Variants in STON2 observed in about 807,000 individuals in gnomAD.
STON2 encodes stonin-2.
STON2 carries 29 observed loss-of-function variants against 65.7 expected under a neutral mutation model. That is an observed-to-expected ratio of 0.44 (90% CI 0.33 to 0.60). The LOEUF is 0.60. STON2 is among the 20% of genes least tolerant of loss of function. The probability of loss-of-function intolerance (pLI) is 0.03; values close to 1 mark genes in which losing one functional copy is unlikely to be tolerated. For synonymous variants in STON2, 404 were observed against 414.2 expected, an observed-to-expected ratio of 0.98 and a Z score of 0.30; for missense variants, 1,054 against 1,118.1, an observed-to-expected ratio of 0.94 and a Z score of 0.82.
chr14:81,373,801 A>C (rs144904364), intron 3 of STON2, among the ~76,000 whole-genome samples: 1 of 152,230 alleles, frequency 6.6e-6, no homozygotes, highest in African/African-American at 2.4e-5. Context: ...ATAGGAAAGA[A>C]AATTGTCTGC....
At chr14:81,411,133 T>TG (rs1448418142) in intron 2 of STON2, among the ~76,000 whole-genome samples, 2 of 152,222 alleles carry the variant, frequency 1.3e-5, no homozygotes, top group East Asian at 3.8e-4. Context: ...AGGAAAATTT[T>TG]GGGGTATGTT....
upstream of STON2, among the ~76,000 whole-genome samples, chr14:81,404,204 C>A (rs575425738): frequency 6.6e-6 from 1 of 152,178 alleles, no homozygotes; most frequent in Non-Finnish European, 1.5e-5. Flanking sequence ...ATTCCCCTTT[C>A]TCTTTGATCT....
intron 4 of STON2, among the ~76,000 whole-genome samples, chr14:81,336,468 A>G (rs1159969675): frequency 6.6e-6 from 1 of 152,044 alleles, no homozygotes; most frequent in African/African-American, 2.4e-5. Context: ...AGTACCAGAA[A>G]TATCACTAAG....
At chr14:81,423,051 T>A (rs1174135135) in intron 2 of STON2, among the ~76,000 whole-genome samples, 2 of 151,918 alleles carry the variant, frequency 1.3e-5, no homozygotes, top group Admixed American at 1.3e-4. Flanking sequence ...AAAAAAAGAT[T>A]TCTAGATTTC....
At chr14:81,289,882 C>T (rs962553152) in intron 5 of STON2, among the ~76,000 whole-genome samples, 1 of 152,144 alleles carries the variant, frequency 6.6e-6, no homozygotes, top group African/African-American at 2.4e-5. Context: ...AGGGCAAGGG[C>T]TTGATTATCC....
Position 81,425,766 on chromosome 14 carries a change from T to C in STON2, c.-199+1336A>G, listed in dbSNP as rs112240752. ...AATGCTTGAGCATCTGCGATTCTTG[T>C]AGCAATTACCACATATAGAGGCCAG... On this transcript the variant is annotated intron_variant, in intron 2 of 8. Coordinates refer to the STON2 transcript ENST00000553821. 5.9e-5 allele frequency among the ~76,000 whole-genome samples: 9 copies of C among 152,336 alleles called. No homozygotes were observed. The East Asian group carries it at 1.7e-3, about 29-fold the overall frequency.
chr14:81,336,265 A>G (rs1045733468), intron 4 of STON2, among the ~76,000 whole-genome samples: 1 of 152,112 alleles, frequency 6.6e-6, no homozygotes, highest in Non-Finnish European at 1.5e-5. Flanking sequence ...ACCTCATTTC[A>G]TTCCTCAATA....
intron 4 of STON2, among the ~76,000 whole-genome samples, chr14:81,338,254 A>G (rs1325108073): frequency 6.6e-6 from 1 of 152,190 alleles, no homozygotes; most frequent in African/African-American, 2.4e-5. Context: ...CCTCCTCCCC[A>G]ACCTAGGAAG....
In STON2 at chr14:81,263,554, A is replaced by C. The variant is rs867403817; in HGVS notation, c.*4860T>G. ...CTCCGTCTCAAAAAAAAAAAAAAAA[A>C]AAAAAACAAAAAAGAAAATGCTATT... On this transcript the variant is annotated 3_prime_UTR_variant, in exon 8 of 8. Coordinates refer to ENST00000614646, the MANE Select transcript of STON2 (RefSeq NM_001394390.1). The C allele has an allele frequency of 1.6e-3, 307 of 192,066 alleles. 2 individuals carry two copies. Among genetic ancestry groups the C allele is most frequent in the African/African-American group, 6.7e-3 (277 of 41,130 alleles). 11.9% of individuals were successfully genotyped at this position (192,066 alleles called of 1,614,324 possible). A position where few individuals can be genotyped will look rare whatever the true frequency, so the allele number is the denominator to read the frequency against.
intron 5 of STON2, among the ~76,000 whole-genome samples, chr14:81,283,715 G>A (rs1439023839): frequency 6.6e-6 from 1 of 152,054 alleles, no homozygotes; most frequent in Non-Finnish European, 1.5e-5. Context: ...ATTTTTAGTA[G>A]AGACGGGGTT....
chr14:81,425,402 A>G (rs1483786318), intron 2 of STON2, among the ~76,000 whole-genome samples: 3 of 152,040 alleles, frequency 2.0e-5, no homozygotes, highest in Non-Finnish European at 4.4e-5. Context: ...GTGAAACTCC[A>G]TCTCCACTAC....
At chr14:81,400,800 G>A (rs1209691218), upstream of STON2, among the ~76,000 whole-genome samples, 6 of 152,078 alleles carry the variant, frequency 3.9e-5, no homozygotes, top group Admixed American at 3.9e-4. Flanking sequence ...ATACAGTCTT[G>A]GAGTCCTATA....
chr14:81,374,184 T>A (rs973925066), intron 3 of STON2, among the ~76,000 whole-genome samples: 13 of 150,838 alleles, frequency 8.6e-5, no homozygotes, highest in African/African-American at 2.9e-4. Flanking sequence ...CCGATTTTTT[T>A]TTTTTATTTT....
chr14:81,331,649 G>C (rs1222394396), intron 4 of STON2, among the ~76,000 whole-genome samples: 5 of 152,294 alleles, frequency 3.3e-5, no homozygotes, highest in African/African-American at 1.2e-4. Context: ...AGGCCTCCAG[G>C]CCTAAATCCA....
At chr14:81,273,603 G>T (rs1160236911) in intron 6 of STON2, among the ~76,000 whole-genome samples, 1 of 152,164 alleles carries the variant, frequency 6.6e-6, no homozygotes, top group Non-Finnish European at 1.5e-5. Context: ...GAGGGGAGCT[G>T]CCCACGTATG....
At position 81,268,020 on chromosome 14, in the gene STON2, G is replaced by C; in HGVS notation, c.*394C>G. ...GCCTTTGCCAGAAAGTTATGCGAGTGACAGATGAACATCAGAAGGCAATCG... is the reference window on the plus strand; with the variant it reads ...GCCTTTGCCAGAAAGTTATGCGAGTCACAGATGAACATCAGAAGGCAATCG... On this transcript the variant is annotated 3_prime_UTR_variant, in exon 8 of 8. Transcript: ENST00000614646. 8.1e-6 allele frequency: 8 copies of C among 987,098 alleles called. No individual in the cohort carries two copies. Among genetic ancestry groups the C allele is most frequent in the Non-Finnish European group, 8.4e-6 (7 of 831,108 alleles). 61.1% of individuals were successfully genotyped at this position (987,098 alleles called of 1,614,324 possible). A position where few individuals can be genotyped will look rare whatever the true frequency, so the allele number is the denominator to read the frequency against.
chr14:81,421,733 G>A (rs1901714251), intron 2 of STON2, among the ~76,000 whole-genome samples: 1 of 152,160 alleles, frequency 6.6e-6, no homozygotes, highest in African/African-American at 2.4e-5. Flanking sequence ...AGAATGGTTG[G>A]GACATAAAAG....
At chr14:81,384,581 C>A (rs933826921) in intron 3 of STON2, among the ~76,000 whole-genome samples, 42 of 152,216 alleles carry the variant, frequency 2.8e-4, no homozygotes, top group African/African-American at 9.4e-4. Context: ...CTGGTATGAA[C>A]CCCCCTCCCT....
In STON2 at chr14:81,371,196, A is replaced by G; in HGVS notation, c.374-11T>C. Reference sequence around the variant, plus strand: ...TGGTCAATGGTAGGGCTGGGGAGAGACCAAAAACCAAAAGCATACAATATA... The same window carrying G: ...TGGTCAATGGTAGGGCTGGGGAGAGGCCAAAAACCAAAAGCATACAATATA... On this transcript the variant is annotated splice_polypyrimidine_tract_variant and intron_variant, in intron 3 of 7. Coordinates refer to ENST00000614646, the MANE Select transcript of STON2 (RefSeq NM_001394390.1). 1.2e-6 allele frequency: 2 copies of G among 1,610,986 alleles called. No individual in the cohort carries two copies. The highest frequency in any genetic ancestry group is 1.7e-6 in the Non-Finnish European group (2 of 1,178,116).
Sources: gnomAD v4.1 joint callset for allele counts (sites outside exome capture counted in the v4.1 genomes callset) on GRCh38, gnomAD v4.1.1 for gene constraint, MANE v1.5 for transcripts, NCBI Gene and HGNC (gene_info 2026-07-23, HGNC 2026-07-21) for gene names.